Variants in SOX6 observed in about 807,000 individuals in gnomAD.
SOX6 encodes the protein SRY-box transcription factor 6.
A neutral mutation model predicts 97.8 loss-of-function variants in SOX6; 11 were observed. The ratio of observed to expected loss-of-function variants is 0.11; its 90% CI spans 0.07 to 0.19. The LOEUF is 0.19. Ranked by LOEUF, SOX6 falls within the 10% of genes least tolerant of loss-of-function variation. The pLI is 1.00. For missense variants in SOX6, 810 were observed against 1,039.5 expected, an observed-to-expected ratio of 0.78 and a Z score of 3.04; for synonymous variants, 360 against 371.4, an observed-to-expected ratio of 0.97 and a Z score of 0.35.
chr11:16,210,038 G>T (rs1852177926), intron 4 of SOX6, among the ~76,000 whole-genome samples: 1 of 152,060 alleles, frequency 6.6e-6, no homozygotes, highest in African/African-American at 2.4e-5. Context: ...TACACTACTG[G>T]TTGGAATGTA....
At chr11:16,472,496 T>C (rs1324399625) in intron 1 of SOX6, among the ~76,000 whole-genome samples, 1 of 152,166 alleles carries the variant, frequency 6.6e-6, no homozygotes, top group Non-Finnish European at 1.5e-5. Context: ...CTTGCATAAA[T>C]TAAAGGCTTA....
chr11:16,596,609 G>A (rs1395887902), intron 4 of SOX6, among the ~76,000 whole-genome samples: 1 of 152,160 alleles, frequency 6.6e-6, no homozygotes, highest in African/African-American at 2.4e-5. Context: ...TACTTCTGCT[G>A]TTATACATAA....
In SOX6 at chr11:16,132,322, GGAAGGAAGGAAA is replaced by G. The variant is rs1404436588; in HGVS notation, c.778-20411_778-20400del. 5.0e-4 allele frequency among the ~76,000 whole-genome samples: 39 copies of G among 77,892 alleles called. 1 individual carries two copies. The highest frequency in any genetic ancestry group is 0.016 in the Middle Eastern group (2 of 128). The allele number at this position is 77,892 out of a possible 152,430, so 51.1% of individuals were successfully genotyped here. ...AGGAAGGAAGGAAGGAAGGAAGGAA[GGAAGGAAGGAAA>G]GAAAAAAGAAAGAAAGAAAGAAAGA... On this transcript the variant is annotated intron_variant, in intron 6 of 15. Coordinates refer to ENST00000683767, the MANE Select transcript of SOX6 (RefSeq NM_001367873.1).
At chr11:16,372,822 G>T (rs567911466) in intron 1 of SOX6, among the ~76,000 whole-genome samples, 1 of 152,058 alleles carries the variant, frequency 6.6e-6, no homozygotes, top group South Asian at 2.1e-4. Context: ...GGAACTGAAA[G>T]ATCCTTAGAA....
chr11:16,135,117 G>T (rs1232679709), intron 6 of SOX6, among the ~76,000 whole-genome samples: 1 of 152,058 alleles, frequency 6.6e-6, no homozygotes, highest in Non-Finnish European at 1.5e-5. Context: ...TTACAGCATG[G>T]TTTACTGAAT....
intron 1 of SOX6, among the ~76,000 whole-genome samples, chr11:16,411,563 C>T (rs1858819924): frequency 6.6e-6 from 1 of 152,056 alleles, no homozygotes; most frequent in South Asian, 2.1e-4. Context: ...TTTTTAAGTA[C>T]ATTTACTACA....
intron 4 of SOX6, among the ~76,000 whole-genome samples, chr11:16,558,791 C>T (rs1265524897): frequency 1.3e-5 from 2 of 151,942 alleles, no homozygotes; most frequent in African/African-American, 2.4e-5. Flanking sequence ...TCTGATTTTC[C>T]ATATGGAGGG....
chr11:16,217,329 T>C (rs538375776), intron 4 of SOX6, among the ~76,000 whole-genome samples: 1 of 152,260 alleles, frequency 6.6e-6, no homozygotes, highest in South Asian at 2.1e-4. Context: ...TTTTACTAAC[T>C]TGAGTAAAAA....
intron 1 of SOX6, among the ~76,000 whole-genome samples, chr11:16,378,359 C>T (rs1253995826): frequency 6.6e-6 from 1 of 151,912 alleles, no homozygotes; most frequent in Non-Finnish European, 1.5e-5. Flanking sequence ...GATAAAATGA[C>T]TCAAAAGTTC....
upstream of SOX6, among the ~76,000 whole-genome samples, chr11:16,476,608 T>C (rs1860254257): frequency 6.6e-6 from 1 of 152,124 alleles, no homozygotes. Context: ...AATATTGCTC[T>C]TTTAAAAAAA....
chr11:16,031,224 G>C (rs193254695), intron 12 of SOX6, among the ~76,000 whole-genome samples: 22 of 152,216 alleles, frequency 1.4e-4, no homozygotes, highest in African/African-American at 4.3e-4. Context: ...AGCTTCATTT[G>C]TCAAACTTTA....
intron 4 of SOX6, among the ~76,000 whole-genome samples, chr11:16,487,735 T>C (rs1860458504): frequency 6.6e-6 from 1 of 152,192 alleles, no homozygotes; most frequent in African/African-American, 2.4e-5. Flanking sequence ...TCAAGATAAA[T>C]TTAAAGGCAG....
intron 4 of SOX6, among the ~76,000 whole-genome samples, chr11:16,611,456 T>A (rs1848397314): frequency 6.6e-6 from 1 of 152,156 alleles, no homozygotes; most frequent in Non-Finnish European, 1.5e-5. Context: ...GAACTTTTAC[T>A]GAAACGAAGG....
chr11:16,729,588 A>T (rs1396583619), intron 2 of SOX6, among the ~76,000 whole-genome samples: 2 of 152,224 alleles, frequency 1.3e-5, no homozygotes, highest in African/African-American at 4.8e-5. Context: ...AGCACTAAAC[A>T]TGGAAAGGAA....
At chr11:16,644,658 C>A (rs1328730739) in intron 3 of SOX6, among the ~76,000 whole-genome samples, 1 of 151,984 alleles carries the variant, frequency 6.6e-6, no homozygotes, top group Non-Finnish European at 1.5e-5. Context: ...GTATAATATT[C>A]TCTGAAATTT....
At chr11:16,689,403 C>A (rs1382215775) in intron 3 of SOX6, among the ~76,000 whole-genome samples, 1 of 152,196 alleles carries the variant, frequency 6.6e-6, no homozygotes, top group Non-Finnish European at 1.5e-5. Context: ...GCTGGAACAA[C>A]TGTAGGGCTC....
intron 3 of SOX6, among the ~76,000 whole-genome samples, chr11:16,268,839 A>G (rs995199024): frequency 3.3e-5 from 5 of 150,664 alleles, no homozygotes; most frequent in African/African-American, 1.2e-4. Context: ...TTAGTCCTTT[A>G]TTTTTTATAT....
intron 4 of SOX6, among the ~76,000 whole-genome samples, chr11:16,500,318 A>C (rs1860682639): frequency 1.3e-5 from 2 of 152,222 alleles, no homozygotes; most frequent in Admixed American, 6.5e-5. Flanking sequence ...TCTCAAAATA[A>C]TAAGAGCTAT....
chr11:16,591,318 C>CATAGATAGATAGATAGATAG (rs61285320), intron 4 of SOX6, among the ~76,000 whole-genome samples: 13 of 123,544 alleles, frequency 1.1e-4, no homozygotes, highest in African/African-American at 4.0e-4. Flanking sequence ...TGGTTAGATA[C>CATAGATAGATAGATAGATAG]ATAGATAGAT....
Sources: allele counts gnomAD v4.1 joint callset (sites outside exome capture counted in the v4.1 genomes callset), GRCh38; gene constraint gnomAD v4.1.1; transcripts MANE v1.5; gene names NCBI Gene and HGNC (gene_info 2026-07-23, HGNC 2026-07-21).